The following SLC7A14 variants were observed in gnomAD, a reference collection of about 807,000 sequenced individuals.
The protein encoded by SLC7A14 is solute carrier family 7 member 14.
In SLC7A14, 37 loss-of-function variants were observed where a neutral mutation model predicts 60.2. The observed-to-expected ratio is 0.61, with a 90% CI of 0.47 to 0.81. The LOEUF (loss-of-function observed/expected upper bound fraction) is 0.81, where lower values mean the gene tolerates loss of function less well. SLC7A14 is among the 30% of genes least tolerant of loss of function. The pLI is 0.00. For missense variants in SLC7A14, 886 were observed against 982.7 expected (o/e 0.90, Z 1.32); for synonymous variants, 399 against 395.8 (o/e 1.01, Z -0.10).
At chr3:170,488,853 C>G (rs551968704) in intron 4 of SLC7A14, among the ~76,000 whole-genome samples, 1 of 152,016 alleles carries the variant, frequency 6.6e-6, no homozygotes, top group Non-Finnish European at 1.5e-5. Flanking sequence ...TTATTCTACA[C>G]GTTCAAGTCC....
rs1048387258 is a variant in SLC7A14, at chr3:170,535,518, G to A, written c.-152-8430C>T. On this transcript the variant is annotated intron_variant, in intron 1 of 7. Coordinates refer to ENST00000231706, the MANE Select transcript of SLC7A14 (RefSeq NM_020949.3). This position sits in a 1 kb window ranked among gnomAD's most constrained non-coding sequence, Gnocchi z 4.3. ...TTTAGGCACAAGGCAGCTTCAGGGAGTGCGAGTGTCCTTTGCTTGTCCTTC... is the reference window on the plus strand; with the variant it reads ...TTTAGGCACAAGGCAGCTTCAGGGAATGCGAGTGTCCTTTGCTTGTCCTTC... 1.3e-5 allele frequency among the ~76,000 whole-genome samples: 2 copies of A among 152,232 alleles called. No homozygotes were observed. Among genetic ancestry groups the A allele is most frequent in the African/African-American group, 4.8e-5 (2 of 41,468 alleles).
intron 2 of SLC7A14, among the ~76,000 whole-genome samples, chr3:170,511,899 A>G (rs1008197076): frequency 4.6e-5 from 7 of 152,228 alleles, no homozygotes; most frequent in Admixed American, 3.3e-4. Context: ...AGAAATTGTG[A>G]GGGTGAATAG....
At chr3:170,484,605 G>C (rs1467616700) in intron 5 of SLC7A14, among the ~76,000 whole-genome samples, 1 of 152,176 alleles carries the variant, frequency 6.6e-6, no homozygotes, top group Non-Finnish European at 1.5e-5. Context: ...GTCACATGTA[G>C]ACCATTTCTT....
intron 2 of SLC7A14, among the ~76,000 whole-genome samples, chr3:170,515,964 T>C (rs1281258495): frequency 6.6e-6 from 1 of 152,198 alleles, no homozygotes; most frequent in Non-Finnish European, 1.5e-5. Flanking sequence ...CATCTCCTGC[T>C]ATGCTGGGCC....
At position 170,460,560 on chromosome 3, in the gene SLC7A14, C is replaced by T. The variant is rs1202961725; in HGVS notation, c.*6495G>A. 6.6e-6 allele frequency: 1 copy of T among 152,170 alleles called. No homozygotes were observed. The highest frequency in any genetic ancestry group is 1.5e-5 in the Non-Finnish European group (1 of 68,044). 9.4% of individuals were successfully genotyped at this position (152,170 alleles called of 1,614,324 possible). On this transcript the variant is annotated 3_prime_UTR_variant, in exon 8 of 8. Transcript: ENST00000231706. ...GACCAATCAATAGATGTGCATGGAA[C>T]ATTCTCTTCATCCCCAAATCAGAAT...
At chr3:170,519,099 A>G (rs1047826630) in intron 2 of SLC7A14, among the ~76,000 whole-genome samples, 1 of 152,188 alleles carries the variant, frequency 6.6e-6, no homozygotes, top group African/African-American at 2.4e-5. Context: ...CAAAGTGGAA[A>G]CAGAGACTCT....
chr3:170,470,543 G>A (rs560791899), intron 7 of SLC7A14, among the ~76,000 whole-genome samples: 2 of 152,242 alleles, frequency 1.3e-5, no homozygotes, highest in Non-Finnish European at 1.5e-5. Flanking sequence ...AGAAACGACC[G>A]TGTGCATGCA....
chr3:170,505,448 G>A (rs1257348802), intron 2 of SLC7A14, among the ~76,000 whole-genome samples: 2 of 151,994 alleles, frequency 1.3e-5, no homozygotes, highest in Non-Finnish European at 2.9e-5. Flanking sequence ...TTCACACTCA[G>A]GACATATTTA....
At position 170,526,954 on chromosome 3, in the gene SLC7A14, G is replaced by A. The variant is rs1713528591; in HGVS notation, c.-18C>T. 2 of 1,605,412 alleles carry A rather than the reference G, an allele frequency of 1.2e-6. No homozygotes were observed. Among genetic ancestry groups the A allele is most frequent in the East Asian group, 2.2e-5 (1 of 44,654 alleles). On this transcript the variant is annotated 5_prime_UTR_variant, in exon 2 of 8. Transcript: ENST00000231706. ...CCACTCATCTTGAGCGATAGGGGAT[G>A]CAGTGAAGGTCAGCTGATGGAAGGG...
chr3:170,510,357 T>C (rs1712932591), intron 2 of SLC7A14, among the ~76,000 whole-genome samples: 3 of 136,970 alleles, frequency 2.2e-5, no homozygotes, highest in African/African-American at 8.1e-5. Flanking sequence ...GCCACTGCAC[T>C]CCAGCCTCAG....
chr3:170,521,213 C>T (rs1386797618), intron 2 of SLC7A14, among the ~76,000 whole-genome samples: 1 of 152,140 alleles, frequency 6.6e-6, no homozygotes, highest in African/African-American at 2.4e-5. Flanking sequence ...AGGAGCTTGG[C>T]AAGTTGCTAT....
chr3:170,585,551 C>T lies in SLC7A14; in HGVS notation c.-153+360G>A, dbSNP rs1220613042. Among the ~76,000 whole-genome samples, 2 of 152,164 alleles carry T rather than the reference C, an allele frequency of 1.3e-5. No homozygotes were observed. The highest frequency in any genetic ancestry group is 3.9e-4 in the East Asian group (2 of 5,166). On this transcript the variant is annotated intron_variant, in intron 1 of 7. Transcript: ENST00000231706. The surrounding 1 kb of genome is among the most constrained non-coding windows in gnomAD (Gnocchi z 5.1). The stretch of plus-strand genomic sequence containing the variant: ...GGCGTCTGCCGAGACCTAGGCTGCC[C>T]GCATTCCGCTCGCGGCTCCCCTTCT...
intron 6 of SLC7A14, among the ~76,000 whole-genome samples, chr3:170,482,772 A>G (rs1711874793): frequency 6.6e-6 from 1 of 152,234 alleles, no homozygotes; most frequent in Non-Finnish European, 1.5e-5. Flanking sequence ...TATGCAAAAT[A>G]GAGTTACTGT....
intron 1 of SLC7A14, among the ~76,000 whole-genome samples, chr3:170,541,574 G>A (rs1714016279): frequency 6.6e-6 from 1 of 152,098 alleles, no homozygotes; most frequent in Non-Finnish European, 1.5e-5. Flanking sequence ...CTCCAGTTTG[G>A]GTCATAGAGC....
At position 170,585,516 on chromosome 3, in the gene SLC7A14, G is replaced by A. The variant is rs1345338117; in HGVS notation, c.-153+395C>T. ...GGGGTGCGCGCCAAGGCGGGGGACA[G>A]GACGGGCCCGGCGTCTGCCGAGACC... On this transcript the variant is annotated intron_variant, in intron 1 of 7. Coordinates refer to ENST00000231706, the MANE Select transcript of SLC7A14 (RefSeq NM_020949.3). This position sits in a 1 kb window ranked among gnomAD's most constrained non-coding sequence, Gnocchi z 5.1. Among the ~76,000 whole-genome samples, 2 of 152,172 alleles carry A rather than the reference G, an allele frequency of 1.3e-5. No homozygotes were observed. Among genetic ancestry groups the A allele is most frequent in the Admixed American group, 1.3e-4 (2 of 15,286 alleles).
At chr3:170,469,501 G>A (rs1739821285) in intron 7 of SLC7A14, among the ~76,000 whole-genome samples, 1 of 152,074 alleles carries the variant, frequency 6.6e-6, no homozygotes, top group African/African-American at 2.4e-5. Context: ...TTCTGTAGGT[G>A]GGGGGTGGCT....
At chr3:170,496,505 C>G in intron 4 of SLC7A14, 1 of 1,485,552 alleles carries the variant, frequency 6.7e-7, no homozygotes, top group Non-Finnish European at 9.4e-7. Context: ...AGCTGGAGGC[C>G]GCCCTGCAGC....
At chr3:170,566,263 C>G (rs1245261631) in intron 1 of SLC7A14, among the ~76,000 whole-genome samples, 1 of 152,162 alleles carries the variant, frequency 6.6e-6, no homozygotes, top group African/African-American at 2.4e-5. Context: ...CTGCTCATTT[C>G]TGCTAACCCT....
intron 5 of SLC7A14, among the ~76,000 whole-genome samples, chr3:170,485,329 CTA>C (rs1311021923): frequency 2.6e-5 from 4 of 152,178 alleles, no homozygotes; most frequent in Admixed American, 2.6e-4. Context: ...GCTTCCTTAG[CTA>C]GTTGCTAAAG....
Sources: allele counts gnomAD v4.1 joint callset (sites outside exome capture counted in the v4.1 genomes callset), GRCh38; gene constraint gnomAD v4.1.1; non-coding constraint Gnocchi (gnomAD v3.1); transcripts MANE v1.5; gene names NCBI Gene and HGNC (gene_info 2026-07-23, HGNC 2026-07-21).